FGD5: variants seen among roughly 807,000 people sequenced by gnomAD.
FGD5 encodes the protein FYVE, RhoGEF and PH domain containing 5.
A neutral mutation model predicts 133.4 loss-of-function variants in FGD5; 28 were observed. The observed-to-expected ratio is 0.21, with a 90% CI of 0.16 to 0.29. The LOEUF (loss-of-function observed/expected upper bound fraction) is 0.29, where lower values mean the gene tolerates loss of function less well. Among genes scored for constraint, FGD5 ranks in the 10% least tolerant of loss-of-function variants. FGD5 has a pLI of 1.00. For synonymous variants in FGD5, 810 were observed against 776.5 expected, an observed-to-expected ratio of 1.04 and a Z score of -0.72; for missense variants, 1,858 against 1,895.2, an observed-to-expected ratio of 0.98 and a Z score of 0.36.
chr3:14,898,045 G>C lies in FGD5; in HGVS notation c.3016G>C (p.Glu1006Gln), dbSNP rs777000745. The change falls in exon 6 of 20, where the codon GAG (glutamate) becomes CAG (glutamine). Residue 1006 changes from glutamate to glutamine, a missense_variant. By Grantham distance (29) the Glu-to-Gln change is conservative. Around this residue, in one of 3 missense-constraint regions of FGD5, gnomAD observed 1,824 missense variants for 1,848.9 expected, o/e 0.99. Transcript: ENST00000285046. ...CGACAGGTACCTAGGTCTGCTCAGT[G>C]AGAATTGCCTCCACTCTCCCCGGCT... ...QFDRYLGLLS[E>Q]NCLHSPRLAA... is the part of the protein sequence containing the mutation. The C allele has an allele frequency of 6.2e-7, 1 of 1,614,010 alleles. No individual in the cohort carries two copies. Among genetic ancestry groups the C allele is most frequent in the South Asian group, 1.1e-5 (1 of 91,084 alleles).
rs1559507306 is a variant in FGD5, at chr3:14,922,339, G to A, written c.3670-72G>A. ...ACCCTGCACAGAGACGCAGGGCAGGGCTCACTGGGCTCTGCATCTGGCTGG... is the reference window on the plus strand; with the variant it reads ...ACCCTGCACAGAGACGCAGGGCAGGACTCACTGGGCTCTGCATCTGGCTGG... On this transcript the variant is annotated intron_variant, in intron 14 of 19. Coordinates refer to ENST00000285046, the MANE Select transcript of FGD5 (RefSeq NM_152536.4). The surrounding 1 kb of genome is among the most constrained non-coding windows in gnomAD (Gnocchi z 4.1). 5.8e-6 allele frequency: 9 copies of A among 1,541,128 alleles called. No homozygotes were observed. The East Asian group carries it at 1.2e-4, about 21-fold the overall frequency.
chr3:14,853,504 C>T (rs976778137), intron 1 of FGD5, among the ~76,000 whole-genome samples: 1 of 151,896 alleles, frequency 6.6e-6, no homozygotes, highest in African/African-American at 2.4e-5. Context: ...CAGAAAGGTC[C>T]CAGCCTGTCT....
At chr3:14,842,893 A>G (rs1176676327) in intron 1 of FGD5, among the ~76,000 whole-genome samples, 1 of 152,154 alleles carries the variant, frequency 6.6e-6, no homozygotes, top group Non-Finnish European at 1.5e-5. Flanking sequence ...GTGGGTGTCA[A>G]ACCCTGGCCC....
intron 1 of FGD5, among the ~76,000 whole-genome samples, chr3:14,847,115 T>G (rs751141374): frequency 2.6e-5 from 4 of 152,150 alleles, no homozygotes; most frequent in Non-Finnish European, 5.9e-5. Context: ...TGTAGCCAGA[T>G]TATTAACACC....
intron 6 of FGD5, 93 bp from the exon 7 acceptor site, chr3:14,898,646 G>A: frequency 2.0e-6 from 2 of 983,668 alleles, no homozygotes; most frequent in Non-Finnish European, 3.1e-6. Flanking sequence ...CCGGGAAGAG[G>A]TGTGGATGGG....
intron 9 of FGD5, among the ~76,000 whole-genome samples, chr3:14,902,352 C>CAG (rs796347702): frequency 6.7e-5 from 10 of 149,724 alleles, no homozygotes; most frequent in African/African-American, 2.5e-4. Context: ...GCCAGGAAGG[C>CAG]AGAGAGAGAA....
chr3:14,842,336 ACCAACCTGGTGCAGGTGTCTAAACCC>A (rs1043137502), intron 1 of FGD5, among the ~76,000 whole-genome samples: 4 of 152,166 alleles, frequency 2.6e-5, no homozygotes, highest in African/African-American at 9.7e-5. Context: ...GGTCACAGAG[ACCAACCTGGTGCAGGTGTCTAAACCC>A]CCACCGGATC....
chr3:14,822,909 A>G (rs187171467), intron 1 of FGD5, among the ~76,000 whole-genome samples: 1 of 152,332 alleles, frequency 6.6e-6, no homozygotes, highest in Non-Finnish European at 1.5e-5. Flanking sequence ...AGCTGCTAGG[A>G]AGTGTTTGCA....
At chr3:14,833,132 G>A (rs2036748643) in intron 1 of FGD5, among the ~76,000 whole-genome samples, 1 of 152,226 alleles carries the variant, frequency 6.6e-6, no homozygotes, top group African/African-American at 2.4e-5. Context: ...ACTGAGCCAT[G>A]TGTCGGGGAA....
chr3:14,842,449 A>G (rs1325822472), intron 1 of FGD5, among the ~76,000 whole-genome samples: 1 of 152,198 alleles, frequency 6.6e-6, no homozygotes, highest in Non-Finnish European at 1.5e-5. Flanking sequence ...ACAGGGTTCC[A>G]GAGCCCATCT....
At chr3:14,919,389 C>T (rs1388460274) in intron 13 of FGD5, among the ~76,000 whole-genome samples, 4 of 152,134 alleles carry the variant, frequency 2.6e-5, no homozygotes, top group African/African-American at 7.2e-5. Flanking sequence ...GAGGCCGAGG[C>T]GGATGGATCA....
intron 4 of FGD5, among the ~76,000 whole-genome samples, chr3:14,891,483 C>T (rs1350857555): frequency 1.3e-5 from 2 of 152,212 alleles, no homozygotes; most frequent in Non-Finnish European, 1.5e-5. Context: ...CCAGAGAGTC[C>T]ATTCGTTAGT....
chr3:14,923,049 G>A lies in FGD5; in HGVS notation c.3811G>A (p.Val1271Met), dbSNP rs749367342. 9.3e-6 allele frequency: 15 copies of A among 1,613,702 alleles called. No individual in the cohort carries two copies. The highest frequency in any genetic ancestry group is 1.2e-5 in the Non-Finnish European group (14 of 1,179,814). Residue 1271 changes from valine to methionine, a missense_variant, in exon 16 of 20, where the codon GTG becomes ATG. Physicochemically the swap from Val to Met is conservative, Grantham distance 21. Coordinates refer to ENST00000285046, the MANE Select transcript of FGD5 (RefSeq NM_152536.4). ...ATCTTCCCACCTGGGCCTGCAGATC[G>A]TGTGCCGGAACTGTTCGCGGAACAA... Reference protein sequence around the residue: ...RHHCHACGKIVCRNCSRNKYP... With the variant: ...RHHCHACGKIMCRNCSRNKYP...
chr3:14,924,267 T>G lies in FGD5; in HGVS notation c.4068+129T>G, dbSNP rs565577782. On this transcript the variant is annotated intron_variant, in intron 17 of 19. Coordinates refer to ENST00000285046, the MANE Select transcript of FGD5 (RefSeq NM_152536.4). ...TCTCTTCCAGACAGAGCATTCCTAA[T>G]GGAAGCATCCCAGCTACGAGGACCG... 45 of 1,404,982 alleles carry G rather than the reference T, an allele frequency of 3.2e-5. No homozygotes were observed. The South Asian group carries it at 5.7e-4, about 18-fold the overall frequency. The allele number at this position is 1,404,982 out of a possible 1,614,324, so 87.0% of individuals were successfully genotyped here. A position where few individuals can be genotyped will look rare whatever the true frequency, so the allele number is the denominator to read the frequency against.
At chr3:14,879,227 G>C (rs1384422825) in intron 2 of FGD5, among the ~76,000 whole-genome samples, 24 of 152,248 alleles carry the variant, frequency 1.6e-4, no homozygotes, top group Admixed American at 1.0e-3. Context: ...GGAGGCAGGT[G>C]TTCCCAGCTG....
intron 4 of FGD5, among the ~76,000 whole-genome samples, chr3:14,888,977 C>A (rs2037974627): frequency 6.6e-6 from 1 of 152,208 alleles, no homozygotes. Context: ...TCTATGTTTT[C>A]CTAAGCCTGG....
intron 4 of FGD5, among the ~76,000 whole-genome samples, chr3:14,881,057 C>A (rs931491087): frequency 6.6e-6 from 1 of 152,130 alleles, no homozygotes; most frequent in Non-Finnish European, 1.5e-5. Context: ...CTGAGAAAGG[C>A]AGGAAGAGGA....
chr3:14,854,232 G>C (rs1374526963), intron 1 of FGD5, among the ~76,000 whole-genome samples: 2 of 151,982 alleles, frequency 1.3e-5, no homozygotes, highest in Admixed American at 1.3e-4. Flanking sequence ...TGACCACCTG[G>C]CCCTTTTCCC....
chr3:14,870,437 C>A (rs1285008221), intron 2 of FGD5, among the ~76,000 whole-genome samples: 3 of 152,214 alleles, frequency 2.0e-5, no homozygotes, highest in Non-Finnish European at 4.4e-5. Flanking sequence ...CTCCCTTCCG[C>A]CGTCCACTTC....
Sources: allele counts gnomAD v4.1 joint callset (sites outside exome capture counted in the v4.1 genomes callset), GRCh38; gene constraint gnomAD v4.1.1; regional missense constraint gnomAD v4.1.1; non-coding constraint Gnocchi (gnomAD v3.1); transcripts MANE v1.5; gene names NCBI Gene and HGNC (gene_info 2026-07-23, HGNC 2026-07-21).